The following CDKAL1 variants were observed in gnomAD, a reference collection of about 807,000 sequenced individuals.
CDKAL1 encodes the protein CDKAL1 threonylcarbamoyladenosine tRNA methylthiotransferase, also known as threonylcarbamoyladenosine tRNA methylthiotransferase.
In CDKAL1, 32 loss-of-function variants were observed where a neutral mutation model predicts 68.2. That is an observed-to-expected ratio of 0.47 (90% confidence interval 0.35 to 0.63). The LOEUF is 0.63. CDKAL1 is among the 30% of genes least tolerant of loss of function. The pLI is 0.00. For missense variants in CDKAL1, 606 were observed against 696.7 expected, an observed-to-expected ratio of 0.87 and a Z score of 1.47; for synonymous variants, 234 against 244.3, an observed-to-expected ratio of 0.96 and a Z score of 0.39.
At chr6:21,158,578 C>T (rs557413063) in intron 13 of CDKAL1, among the ~76,000 whole-genome samples, 9 of 152,274 alleles carry the variant, frequency 5.9e-5, no homozygotes, top group African/African-American at 1.9e-4. Context: ...CCATTTCACT[C>T]CCTGGACCAC....
intron 4 of CDKAL1, among the ~76,000 whole-genome samples, chr6:20,549,389 A>G (rs1169245955): frequency 2.7e-4 from 41 of 152,064 alleles, no homozygotes; most frequent in Admixed American, 2.7e-3. Flanking sequence ...ATACTGGTAC[A>G]CTAACCCATG....
intron 11 of CDKAL1, among the ~76,000 whole-genome samples, chr6:21,000,906 T>C (rs1767394135): frequency 6.6e-6 from 1 of 152,260 alleles, no homozygotes; most frequent in East Asian, 1.9e-4. Flanking sequence ...TTCAAATTGC[T>C]ATTGACCAAA....
chr6:20,691,595 G>C (rs1221083235), intron 5 of CDKAL1, among the ~76,000 whole-genome samples: 4 of 152,000 alleles, frequency 2.6e-5, no homozygotes, highest in Non-Finnish European at 5.9e-5. Flanking sequence ...CTCTTACCGT[G>C]TATCCTCTCA....
At chr6:20,661,988 A>ATC (rs1769304646) in intron 5 of CDKAL1, among the ~76,000 whole-genome samples, 1 of 152,106 alleles carries the variant, frequency 6.6e-6, no homozygotes, top group South Asian at 2.1e-4. Context: ...AATCAACATG[A>ATC]TCTAAGTCTG....
At chr6:20,771,191 A>G (rs1774924805) in intron 7 of CDKAL1, among the ~76,000 whole-genome samples, 1 of 152,198 alleles carries the variant, frequency 6.6e-6, no homozygotes, top group Admixed American at 6.5e-5. Context: ...ATGTACATTA[A>G]TACAGTGACT....
chr6:20,542,679 C>G (rs1030977990), intron 2 of CDKAL1, among the ~76,000 whole-genome samples: 1 of 152,100 alleles, frequency 6.6e-6, no homozygotes, highest in African/African-American at 2.4e-5. Flanking sequence ...CCAGGTCTCC[C>G]GTTGGTAACA....
At chr6:20,592,709 C>T (rs1765645180) in intron 4 of CDKAL1, among the ~76,000 whole-genome samples, 3 of 152,028 alleles carry the variant, frequency 2.0e-5, no homozygotes, top group South Asian at 2.1e-4. Context: ...CCGTGTGATC[C>T]ACCCGCCTCG....
In CDKAL1 at chr6:21,185,044, A is replaced by G. The variant is rs146795973; in HGVS notation, c.1300-12977A>G. 2.9e-3 allele frequency among the ~76,000 whole-genome samples: 442 copies of G among 152,030 alleles called. 3 individuals carry two copies. Among genetic ancestry groups the G allele is most frequent in the African/African-American group, 0.01 (417 of 41,486 alleles). ...AGCAGTTTGAAAATCCAGACATACTATATAGGTTTTCCCAGCTACTCCTTG... is the reference window on the plus strand; with the variant it reads ...AGCAGTTTGAAAATCCAGACATACTGTATAGGTTTTCCCAGCTACTCCTTG... On this transcript the variant is annotated intron_variant, in intron 13 of 15. Coordinates refer to ENST00000274695, the MANE Select transcript of CDKAL1 (RefSeq NM_017774.3).
intron 11 of CDKAL1, among the ~76,000 whole-genome samples, chr6:21,025,467 G>A (rs925099877): frequency 3.3e-5 from 5 of 152,130 alleles, no homozygotes; most frequent in African/African-American, 1.2e-4. Context: ...AAAAGTGGAT[G>A]AATATTCCTA....
intron 5 of CDKAL1, among the ~76,000 whole-genome samples, chr6:20,667,482 A>AC (rs570126484): frequency 0.14 from 21,689 of 151,776 alleles, 1,899 homozygotes; most frequent in East Asian, 0.46. Flanking sequence ...CTTATTTTAC[A>AC]CCCCCCTTCC....
chr6:20,540,866 G>A (rs1025183553), intron 2 of CDKAL1, among the ~76,000 whole-genome samples: 2 of 152,242 alleles, frequency 1.3e-5, no homozygotes, highest in African/African-American at 4.8e-5. Flanking sequence ...GGCTGGTTAT[G>A]TAAGCATAGA....
chr6:20,853,782 C>T (rs1220516019), intron 9 of CDKAL1, among the ~76,000 whole-genome samples: 2 of 152,104 alleles, frequency 1.3e-5, no homozygotes, highest in Non-Finnish European at 2.9e-5. Context: ...AACCACTATT[C>T]TAGAAAATTT....
At chr6:20,782,636 A>G (rs1775480366) in intron 8 of CDKAL1, among the ~76,000 whole-genome samples, 1 of 152,196 alleles carries the variant, frequency 6.6e-6, no homozygotes, top group South Asian at 2.1e-4. Context: ...ATTGAAATAT[A>G]TAAATGATCA....
At chr6:20,725,423 A>C (rs1336027776) in intron 5 of CDKAL1, among the ~76,000 whole-genome samples, 1 of 152,228 alleles carries the variant, frequency 6.6e-6, no homozygotes, top group Non-Finnish European at 1.5e-5. Context: ...GAATGCAGTG[A>C]GGCGTATATG....
intron 8 of CDKAL1, among the ~76,000 whole-genome samples, chr6:20,781,954 C>T (rs1775451158): frequency 6.6e-6 from 1 of 152,228 alleles, no homozygotes; most frequent in Non-Finnish European, 1.5e-5. Flanking sequence ...AACCACATCT[C>T]ATTCCCCACA....
chr6:20,743,319 G>A (rs1325010152), intron 6 of CDKAL1, among the ~76,000 whole-genome samples: 1 of 152,098 alleles, frequency 6.6e-6, no homozygotes, highest in Admixed American at 6.6e-5. Flanking sequence ...TTACAGTACA[G>A]GAAGAATGTG....
chr6:21,018,553 T>G (rs998103627), intron 11 of CDKAL1, among the ~76,000 whole-genome samples: 2 of 152,226 alleles, frequency 1.3e-5, no homozygotes, highest in Non-Finnish European at 2.9e-5. Context: ...GAAATTCCTT[T>G]AAGTTTGGAA....
intron 11 of CDKAL1, among the ~76,000 whole-genome samples, chr6:21,003,709 T>G (rs1052337500): frequency 1.3e-5 from 2 of 152,178 alleles, no homozygotes; most frequent in African/African-American, 4.8e-5. Context: ...GTTTCAGGGC[T>G]TTCTTTAGAG....
intron 14 of CDKAL1, among the ~76,000 whole-genome samples, chr6:21,198,592 A>G (rs865876526): frequency 1.3e-5 from 2 of 152,034 alleles, no homozygotes; most frequent in Admixed American, 1.3e-4. Flanking sequence ...TGTTTTTTTA[A>G]CTTCTACCTT....
Sources: allele counts gnomAD v4.1 joint callset (sites outside exome capture counted in the v4.1 genomes callset), GRCh38; gene constraint gnomAD v4.1.1; transcripts MANE v1.5; gene names NCBI Gene and HGNC (gene_info 2026-07-23, HGNC 2026-07-21).